DNAJA4: variants seen among roughly 807,000 people sequenced by gnomAD.
The protein encoded by DNAJA4 is DnaJ heat shock protein family (Hsp40) member A4.
Under a neutral mutation model 39.7 loss-of-function variants are expected in DNAJA4, and 32 were observed. The observed-to-expected ratio is 0.81, with a 90% CI of 0.61 to 1.08. The LOEUF (loss-of-function observed/expected upper bound fraction) is 1.08. DNAJA4 is among the 50% of genes least tolerant of loss of function. DNAJA4 has a pLI of 0.00. For missense variants in DNAJA4, 439 were observed against 505.1 expected (o/e 0.87, Z 1.25); for synonymous variants, 184 against 182.4 (o/e 1.01, Z -0.07).
rs1359693449 is a variant in DNAJA4 at position 78,275,495 on chromosome 15, T to C, written c.647-3T>C. 3 of 1,609,578 alleles carry C rather than the reference T, an allele frequency of 1.9e-6. No homozygotes were observed. Among genetic ancestry groups the C allele is most frequent in the Admixed American group, 3.3e-5 (2 of 59,848 alleles). ...CTAATCAGAAAGGGATGATGTTTCA[T>C]AGGTATGAAAGATGGGCAAAAGATA... On this transcript the variant is annotated splice_polypyrimidine_tract_variant and splice_region_variant and intron_variant, in intron 4 of 6. Coordinates refer to ENST00000394852, the MANE Select transcript of DNAJA4 (RefSeq NM_001130182.2).
intron 1 of DNAJA4, among the ~76,000 whole-genome samples, 164 bp downstream of exon 1, chr15:78,265,059 G>T (rs942891395): frequency 6.6e-6 from 1 of 152,184 alleles, no homozygotes; most frequent in Non-Finnish European, 1.5e-5. Context: ...CCTGGGCGCC[G>T]TGCGGCGCGG....
At chr15:78,267,173 AGTGTGTGAGTGT>A (rs201226677) in intron 1 of DNAJA4, among the ~76,000 whole-genome samples, 7 of 92,412 alleles carry the variant, frequency 7.6e-5, no homozygotes, top group South Asian at 3.5e-4. Flanking sequence ...TGAGTGTGTG[AGTGTGTGAGTGT>A]GTGTGTGAGT....
At chr15:78,277,973 C>T (rs1049996486) in intron 5 of DNAJA4, 1 of 448,254 alleles carries the variant, frequency 2.2e-6, no homozygotes. Flanking sequence ...CTTTTCTTCA[C>T]CCCTCTTTTG....
intron 4 of DNAJA4, 193 bp from the exon 5 acceptor site, chr15:78,275,305 C>T (rs914301907): frequency 1.2e-5 from 7 of 579,314 alleles, no homozygotes; most frequent in Non-Finnish European, 2.1e-5. Flanking sequence ...CTTGGCCCCA[C>T]ATTATGCCAA....
chr15:78,277,446 T>A lies in DNAJA4; in HGVS notation c.877+1718T>A, dbSNP rs2049500916. Among the ~76,000 whole-genome samples, 3 of 152,088 alleles carry A rather than the reference T, an allele frequency of 2.0e-5. No homozygotes were observed. The East Asian group carries it at 5.8e-4, about 29-fold the overall frequency. The stretch of plus-strand genomic sequence containing the variant: ...GTATAATGCAAAATTTGCATGAAAA[T>A]TTAAAATAAAACACCTTCCCTTAGG... On this transcript the variant is annotated intron_variant, in intron 5 of 6. Coordinates refer to ENST00000394852, the MANE Select transcript of DNAJA4 (RefSeq NM_001130182.2).
chr15:78,277,633 C>A (rs1312599776), intron 5 of DNAJA4, among the ~76,000 whole-genome samples: 1 of 152,116 alleles, frequency 6.6e-6, no homozygotes, highest in Admixed American at 6.5e-5. Context: ...CCTCCTGAGC[C>A]GGGGCTGGGA....
At chr15:78,265,126 C>G (rs550134690) in intron 1 of DNAJA4, among the ~76,000 whole-genome samples, 3 of 152,296 alleles carry the variant, frequency 2.0e-5, no homozygotes, top group East Asian at 3.9e-4. Flanking sequence ...TTGGGTCCCT[C>G]GCGAGTCCCT....
intron 5 of DNAJA4, chr15:78,277,927 G>T: frequency 2.5e-6 from 1 of 392,194 alleles, no homozygotes; most frequent in Admixed American, 3.3e-5. Flanking sequence ...TTTTTGTTTT[G>T]TTTTTGTTTT....
chr15:78,277,943 T>C (rs561159514), intron 5 of DNAJA4: 3 of 409,042 alleles, frequency 7.3e-6, no homozygotes, highest in Non-Finnish European at 1.4e-5. Context: ...GTTTTTACTT[T>C]GTTCTCTTTT....
chr15:78,273,000 C>T (rs1595925493), intron 2 of DNAJA4, 95 bp from the exon 3 acceptor site: 2 of 765,854 alleles, frequency 2.6e-6, no homozygotes, highest in Middle Eastern at 3.6e-4. Context: ...TCTTGAGTCT[C>T]TGGAGACTTC....
chr15:78,264,162 C>A (rs2049049912), upstream of DNAJA4: 1 of 493,500 alleles, frequency 2.0e-6, no homozygotes, highest in South Asian at 4.5e-5. Flanking sequence ...CCCTTCGGCG[C>A]AGGGCTCCGG....
chr15:78,280,001 G>C (rs1396813012), intron 5 of DNAJA4, 44 bp from the exon 6 acceptor site: 1 of 1,589,354 alleles, frequency 6.3e-7, no homozygotes, highest in Non-Finnish European at 8.6e-7. Context: ...ACCTCTGCAG[G>C]CCCCTCTGCC....
At position 78,275,691 on chromosome 15, in the gene DNAJA4, A is replaced by G; in HGVS notation, c.840A>G (p.Thr280=). The change falls in exon 5 of 7, where the codon ACA becomes ACG. Residue 280 remains threonine (T), a synonymous_variant. Transcript: ENST00000394852. ...GTGGCTTCAAGAAGACGATAAAAAC[A>G]TTGGACAATCGAATTCTTGTTATTA... ...ALCGFKKTIK[T]LDNRILVITS... The G allele has an allele frequency of 6.2e-7, 1 of 1,613,420 alleles. No individual in the cohort carries two copies. The highest frequency in any genetic ancestry group is 8.5e-7 in the Non-Finnish European group (1 of 1,179,642).
chr15:78,272,824 A>G (rs552502330), intron 2 of DNAJA4, among the ~76,000 whole-genome samples: 2 of 152,202 alleles, frequency 1.3e-5, no homozygotes, highest in Admixed American at 1.3e-4. Flanking sequence ...TGTTCTCAGA[A>G]AATAAAGGTG....
At chr15:78,265,794 G>A (rs1027391636) in intron 1 of DNAJA4, 3 of 635,472 alleles carry the variant, frequency 4.7e-6, no homozygotes, top group Non-Finnish European at 8.5e-6. Context: ...GTCTTGAGAG[G>A]TGGGGCCGTT....
chr15:78,272,937 GGT>G (rs1395681594), intron 2 of DNAJA4, among the ~76,000 whole-genome samples, 156 bp from the exon 3 acceptor site: 3 of 152,158 alleles, frequency 2.0e-5, no homozygotes, highest in Admixed American at 1.3e-4. Context: ...GATGGGCTGG[GGT>G]AATAGAAGCA....
chr15:78,278,653 G>A (rs1240445228), intron 5 of DNAJA4, among the ~76,000 whole-genome samples: 1 of 151,470 alleles, frequency 6.6e-6, no homozygotes, highest in East Asian at 1.9e-4. Flanking sequence ...GTGCATGACT[G>A]TATTTCTTTT....
chr15:78,267,168 G>GTGTGAGTGTGTGTGTA (rs1555438046), intron 1 of DNAJA4, among the ~76,000 whole-genome samples: 51 of 102,414 alleles, frequency 5.0e-4, no homozygotes, highest in African/African-American at 1.6e-3. Flanking sequence ...GTATGTGAGT[G>GTGTGAGTGTGTGTGTA]TGTGAGTGTG....
chr15:78,274,340 A>C lies in DNAJA4; in HGVS notation c.562A>C (p.Ile188Leu). 6.2e-7 allele frequency: 1 copy of C among 1,614,202 alleles called. No homozygotes were observed. The highest frequency in any genetic ancestry group is 8.5e-7 in the Non-Finnish European group (1 of 1,180,040). The change falls in exon 4 of 7, where the codon ATC (isoleucine) becomes CTC (leucine). Residue 188 changes from isoleucine (I) to leucine (L), a missense_variant. Transcript: ENST00000394852. ...CGAGTGCAAGGGCCAGGGTGAGCGC[A>C]TCAACCCCAAGGACCGCTGCGAGAG... Reference protein sequence around the residue: ...CIECKGQGERINPKDRCESCS... With the variant: ...CIECKGQGERLNPKDRCESCS...
Sources: gnomAD v4.1 joint callset for allele counts (sites outside exome capture counted in the v4.1 genomes callset) on GRCh38, gnomAD v4.1.1 for gene constraint, MANE v1.5 for transcripts, NCBI Gene and HGNC (gene_info 2026-07-23, HGNC 2026-07-21) for gene names.